Variants in CPHXL observed in about 807,000 individuals in gnomAD.
CPHXL encodes the protein cytoplasmic polyadenylated homeobox like, also known as cytoplasmic polyadenylated homeobox-like protein.
At chr16:75,726,127 C>T (rs558273122) in intron 1 of CPHXL, among the ~76,000 whole-genome samples, 3 of 152,020 alleles carry the variant, frequency 2.0e-5, no homozygotes, top group Non-Finnish European at 4.4e-5. Flanking sequence ...AGTAATACAT[C>T]TTAATAAAAT....
chr16:75,721,567 T>C (rs1178672471), intron 1 of CPHXL, among the ~76,000 whole-genome samples: 2 of 152,136 alleles, frequency 1.3e-5, no homozygotes, highest in Non-Finnish European at 2.9e-5. Context: ...CCTAAATATA[T>C]ATGCACCCAA....
At chr16:75,717,397 T>C (rs1400212040) in intron 2 of CPHXL, among the ~76,000 whole-genome samples, 1 of 152,236 alleles carries the variant, frequency 6.6e-6, no homozygotes, top group Non-Finnish European at 1.5e-5. Context: ...AAACTGGTTA[T>C]GGATACCAAC....
At chr16:75,716,105 T>A (rs1160977224) in intron 2 of CPHXL, among the ~76,000 whole-genome samples, 1 of 149,014 alleles carries the variant, frequency 6.7e-6, no homozygotes, top group Non-Finnish European at 1.5e-5. Context: ...ATTTGTTGTA[T>A]GACTCTCTGA....
chr16:75,716,843 C>G (rs1959399742), intron 2 of CPHXL, among the ~76,000 whole-genome samples: 1 of 152,206 alleles, frequency 6.6e-6, no homozygotes, highest in Non-Finnish European at 1.5e-5. Context: ...GTAGACAACT[C>G]TCAGATTTAT....
intron 1 of CPHXL, among the ~76,000 whole-genome samples, chr16:75,720,447 A>G (rs924900169): frequency 2.6e-5 from 4 of 152,214 alleles, no homozygotes; most frequent in African/African-American, 9.6e-5. Context: ...CGAGAACTAC[A>G]TGACGAATGC....
chr16:75,725,510 C>G (rs1016112954), intron 1 of CPHXL, among the ~76,000 whole-genome samples: 46 of 150,260 alleles, frequency 3.1e-4, no homozygotes, highest in African/African-American at 1.1e-3. Context: ...TGGAGTGCAG[C>G]GGCACCATCT....
At chr16:75,724,916 A>C (rs1175534245) in intron 1 of CPHXL, among the ~76,000 whole-genome samples, 1 of 152,238 alleles carries the variant, frequency 6.6e-6, no homozygotes, top group South Asian at 2.1e-4. Context: ...AAAATGTGGC[A>C]CATATATACC....
At chr16:75,725,618 A>G (rs1207805384) in intron 1 of CPHXL, among the ~76,000 whole-genome samples, 1 of 151,786 alleles carries the variant, frequency 6.6e-6, no homozygotes, top group Non-Finnish European at 1.5e-5. Flanking sequence ...ACACCCTGCT[A>G]ATTTTTTGTA....
At chr16:75,719,870 C>T (rs1043064851) in intron 1 of CPHXL, among the ~76,000 whole-genome samples, 6 of 152,154 alleles carry the variant, frequency 3.9e-5, no homozygotes, top group Non-Finnish European at 8.8e-5. Flanking sequence ...GGCAGACTGA[C>T]ACCTCACACG....
intron 2 of CPHXL, among the ~76,000 whole-genome samples, chr16:75,715,702 CT>C (rs987711528): frequency 3.8e-4 from 55 of 145,912 alleles, no homozygotes; most frequent in South Asian, 6.5e-4. Flanking sequence ...CTTTTCTTCA[CT>C]TTTTTTTTTT....
intron 1 of CPHXL, among the ~76,000 whole-genome samples, chr16:75,718,934 G>C (rs1184143257): frequency 6.6e-6 from 1 of 152,196 alleles, no homozygotes; most frequent in African/African-American, 2.4e-5. Context: ...GGCAGGACAT[G>C]GGCTACTGAG....
At chr16:75,716,838 C>G (rs1161467313) in intron 2 of CPHXL, among the ~76,000 whole-genome samples, 1 of 152,192 alleles carries the variant, frequency 6.6e-6, no homozygotes. Context: ...CATTAGTAGA[C>G]AACTCTCAGA....
chr16:75,725,228 A>C (rs1959538321), intron 1 of CPHXL, among the ~76,000 whole-genome samples: 1 of 152,124 alleles, frequency 6.6e-6, no homozygotes, highest in African/African-American at 2.4e-5. Context: ...ATATATATGT[A>C]ACTAACCTGC....
At chr16:75,722,824 T>A (rs1567529693) in intron 1 of CPHXL, among the ~76,000 whole-genome samples, 2 of 152,184 alleles carry the variant, frequency 1.3e-5, no homozygotes, top group African/African-American at 2.4e-5. Context: ...CCAATATCCC[T>A]GATGAACATT....
At chr16:75,721,970 AC>A (rs957946542) in intron 1 of CPHXL, among the ~76,000 whole-genome samples, 100 of 152,374 alleles carry the variant, frequency 6.6e-4, no homozygotes, top group African/African-American at 2.3e-3. Flanking sequence ...CTGCTCAATT[AC>A]ATGGAAACTG....
intron 1 of CPHXL, among the ~76,000 whole-genome samples, chr16:75,720,860 C>T (rs999299952): frequency 7.9e-5 from 12 of 152,142 alleles, no homozygotes; most frequent in Admixed American, 2.6e-4. Flanking sequence ...AGAGAAAGGT[C>T]GGGTTACCCA....
At chr16:75,719,575 C>T (rs752369705) in intron 1 of CPHXL, among the ~76,000 whole-genome samples, 2 of 152,164 alleles carry the variant, frequency 1.3e-5, no homozygotes, top group Non-Finnish European at 1.5e-5. Flanking sequence ...TGTCATTACC[C>T]AGGCTTGCTT....
rs61707409 is a variant in CPHXL, at chr16:75,714,203, G to T, written c.*21C>A. 1 of 398,608 alleles carries T rather than the reference G, an allele frequency of 2.5e-6. No homozygotes were observed. The highest frequency in any genetic ancestry group is 2.1e-5 in the African/African-American group (1 of 48,638). 24.7% of individuals were successfully genotyped at this position (398,608 alleles called of 1,614,324 possible). A position where few individuals can be genotyped will look rare whatever the true frequency, so the allele number is the denominator to read the frequency against. ...GTTGCATCCTTGGTTCCCTGCTGCA[G>T]ACCCTTGTCCACTCTTCAACTTAAA... On this transcript the variant is annotated 3_prime_UTR_variant, in exon 3 of 3. Transcript: ENST00000640559.
At chr16:75,719,048 A>G (rs946259327) in intron 1 of CPHXL, among the ~76,000 whole-genome samples, 1 of 151,986 alleles carries the variant, frequency 6.6e-6, no homozygotes, top group Non-Finnish European at 1.5e-5. Flanking sequence ...TGATTTGTGA[A>G]CATTAGTTAA....
Sources: gnomAD v4.1 joint callset for allele counts (sites outside exome capture counted in the v4.1 genomes callset) on GRCh38, gnomAD v4.1.1 for gene constraint, MANE v1.5 for transcripts, NCBI Gene and HGNC (gene_info 2026-07-23, HGNC 2026-07-21) for gene names.